WWOX: variants seen among roughly 807,000 people sequenced by gnomAD.
WWOX encodes WW domain containing oxidoreductase, also known as WW domain-containing oxidoreductase.
In WWOX, 69 loss-of-function variants were observed where a neutral mutation model predicts 46.2. The observed-to-expected ratio is 1.49, with a 90% CI of 1.23 to 1.82. The LOEUF is 1.82. Ranked by LOEUF, WWOX falls within the 40% of genes most tolerant of loss-of-function variation. WWOX has a pLI of 0.00. For missense variants in WWOX, 919 were observed against 542.6 expected (o/e 1.69, Z -6.89); for synonymous variants, 359 against 202.6 (o/e 1.77, Z -6.56).
chr16:78,342,598 A>G (rs992397338), intron 5 of WWOX, among the ~76,000 whole-genome samples: 2 of 120,744 alleles, frequency 1.7e-5, no homozygotes, highest in Non-Finnish European at 4.0e-5. Context: ...TCTCTAGCCC[A>G]GAAGCATGAC....
chr16:78,860,143 T>G (rs2052682031), intron 8 of WWOX, among the ~76,000 whole-genome samples: 2 of 152,230 alleles, frequency 1.3e-5, no homozygotes, highest in African/African-American at 4.8e-5. Flanking sequence ...CCATCCTTAT[T>G]CCATCGCCCA....
At chr16:79,063,382 C>G (rs193267489) in intron 8 of WWOX, among the ~76,000 whole-genome samples, 2 of 152,298 alleles carry the variant, frequency 1.3e-5, no homozygotes, top group Admixed American at 6.5e-5. Flanking sequence ...TCACAACAGG[C>G]TGAATGCTGT....
At chr16:78,544,070 A>C (rs1252118550) in intron 8 of WWOX, among the ~76,000 whole-genome samples, 1 of 152,190 alleles carries the variant, frequency 6.6e-6, no homozygotes, top group East Asian at 1.9e-4. Context: ...AGCCTAGCCA[A>C]GCAGAAACCC....
chr16:78,453,729 A>C (rs2083747238), intron 8 of WWOX, among the ~76,000 whole-genome samples: 1 of 152,206 alleles, frequency 6.6e-6, no homozygotes, highest in African/African-American at 2.4e-5. Flanking sequence ...GAAGTGTAAT[A>C]CAGGGTGAAT....
intron 8 of WWOX, chr16:79,206,745 A>G (rs531743415): frequency 5.9e-5 from 9 of 152,266 alleles, no homozygotes; most frequent in African/African-American, 2.2e-4. Flanking sequence ...TGAATTGTAT[A>G]ATTTCATTAT....
chr16:78,508,516 C>G (rs1029944137), intron 8 of WWOX, among the ~76,000 whole-genome samples: 3 of 152,064 alleles, frequency 2.0e-5, no homozygotes, highest in Non-Finnish European at 2.9e-5. Context: ...CCAGCCTGGC[C>G]TTGATGTCGG....
At chr16:78,108,800 C>T (rs1191284323) in intron 2 of WWOX, among the ~76,000 whole-genome samples, 2 of 152,112 alleles carry the variant, frequency 1.3e-5, no homozygotes, top group Non-Finnish European at 1.5e-5. Context: ...CTAGCCTGGC[C>T]AACATGTTGA....
chr16:78,778,116 G>A (rs1171131826), intron 8 of WWOX, among the ~76,000 whole-genome samples: 4 of 151,922 alleles, frequency 2.6e-5, no homozygotes, highest in Non-Finnish European at 4.4e-5. Flanking sequence ...CCCAAGGATG[G>A]GAAGTCTGAA....
At chr16:78,858,144 T>TTGTC (rs139524965) in intron 8 of WWOX, among the ~76,000 whole-genome samples, 118 of 148,540 alleles carry the variant, frequency 7.9e-4, no homozygotes, top group African/African-American at 2.8e-3. Flanking sequence ...CATTGTGTGT[T>TTGTC]TGTGTGTGTG....
intron 8 of WWOX, among the ~76,000 whole-genome samples, chr16:78,802,942 ACAAC>A (rs146562471): frequency 0.084 from 2,390 of 28,312 alleles, 566 homozygotes; most frequent in African/African-American, 0.11. Context: ...AAAAAAAAAA[ACAAC>A]AAACAGAAAA....
At chr16:78,793,512 G>T (rs2050662985) in intron 8 of WWOX, among the ~76,000 whole-genome samples, 1 of 152,084 alleles carries the variant, frequency 6.6e-6, no homozygotes, top group African/African-American at 2.4e-5. Context: ...TTTTTTAAAT[G>T]AAATTTTGCA....
chr16:79,028,255 T>G (rs139304465), intron 8 of WWOX, among the ~76,000 whole-genome samples: 80 of 151,986 alleles, frequency 5.3e-4, no homozygotes, highest in African/African-American at 1.9e-3. Flanking sequence ...GACTGCTTTA[T>G]TTTCCTTTGT....
chr16:78,152,140 A>G lies in WWOX; in HGVS notation c.410-12043A>G, dbSNP rs371293872. Among the ~76,000 whole-genome samples the G allele has an allele frequency of 6.2e-3, 943 of 151,876 alleles. 9 individuals are homozygous for G. Among genetic ancestry groups the G allele is most frequent in the African/African-American group, 0.022 (900 of 41,408 alleles). On this transcript the variant is annotated intron_variant, in intron 4 of 8. Transcript: ENST00000566780. ...GGGAGGCGGAGCTTGAAGTGAGCCG[A>G]GATCGCGCCACTGCACTCCAGCCTG...
intron 8 of WWOX, among the ~76,000 whole-genome samples, chr16:79,030,847 C>A (rs926974925): frequency 3.3e-5 from 5 of 152,128 alleles, no homozygotes; most frequent in African/African-American, 1.2e-4. Flanking sequence ...CTTTGGGAGG[C>A]TGAGGCAGGA....
rs568370435 is a variant in WWOX at position 79,026,471 on chromosome 16, G to T, written c.1057-185137G>T. 2.0e-5 allele frequency among the ~76,000 whole-genome samples: 3 copies of T among 151,720 alleles called. 1 individual carries two copies. The highest frequency in any genetic ancestry group is 2.1e-4 in the South Asian group (1 of 4,812). On this transcript the variant is annotated intron_variant, in intron 8 of 8. Transcript: ENST00000566780. ...CCCTTCCTTCTCACATCAGCTTGCA[G>T]TTCTGTACTTGTTCATGTGATCATT...
chr16:78,436,119 T>C (rs1433065044), intron 8 of WWOX, among the ~76,000 whole-genome samples: 1 of 152,204 alleles, frequency 6.6e-6, no homozygotes, highest in Non-Finnish European at 1.5e-5. Flanking sequence ...ATGGGAGGTA[T>C]GCAGTACTTC....
intron 8 of WWOX, chr16:78,535,066 G>C (rs1192558699): frequency 6.6e-6 from 1 of 152,252 alleles, no homozygotes; most frequent in African/African-American, 2.4e-5. Context: ...CCAAGTTCCT[G>C]TCCGCTGGTA....
chr16:78,893,987 G>C (rs985557670), intron 8 of WWOX, among the ~76,000 whole-genome samples: 38 of 149,488 alleles, frequency 2.5e-4, no homozygotes, highest in Non-Finnish European at 4.6e-4. Flanking sequence ...AGGTATCCCT[G>C]ATTACCATAG....
chr16:78,862,858 C>T (rs191207078), intron 8 of WWOX, among the ~76,000 whole-genome samples: 2 of 152,078 alleles, frequency 1.3e-5, no homozygotes, highest in Non-Finnish European at 2.9e-5. Context: ...CCAGAAACGC[C>T]TTCATGGACA....
Sources: gnomAD v4.1 joint callset for allele counts (sites outside exome capture counted in the v4.1 genomes callset) on GRCh38, gnomAD v4.1.1 for gene constraint, MANE v1.5 for transcripts, NCBI Gene and HGNC (gene_info 2026-07-23, HGNC 2026-07-21) for gene names.